Variants in RPH3A observed in about 807,000 individuals in gnomAD.
RPH3A encodes the protein rabphilin 3A, also known as rabphilin-3A.
Under a neutral mutation model 102.2 loss-of-function variants are expected in RPH3A, and 48 were observed. That is an observed-to-expected ratio of 0.47 (90% CI 0.37 to 0.60). The LOEUF is 0.60. Among genes scored for constraint, RPH3A ranks in the 20% least tolerant of loss-of-function variants. The pLI, the probability that RPH3A is intolerant of heterozygous loss-of-function variation, is 0.00. For synonymous variants in RPH3A, 310 were observed against 324.3 expected (o/e 0.96, Z 0.47); for missense variants, 781 against 910.1 (o/e 0.86, Z 1.83).
intron 4 of RPH3A, among the ~76,000 whole-genome samples, chr12:112,837,419 A>G (rs1310176013): frequency 6.6e-6 from 1 of 151,932 alleles, no homozygotes; most frequent in Non-Finnish European, 1.5e-5. Flanking sequence ...CTCTTGCACA[A>G]CTTTTTCAGC....
At chr12:112,673,057 A>G (rs939706059) in intron 1 of RPH3A, among the ~76,000 whole-genome samples, 5 of 152,092 alleles carry the variant, frequency 3.3e-5, no homozygotes, top group African/African-American at 1.2e-4. Context: ...AGGCACCCAC[A>G]GCTCATTATG....
chr12:112,618,354 A>G (rs2039697020), intron 1 of RPH3A, among the ~76,000 whole-genome samples: 1 of 152,142 alleles, frequency 6.6e-6, no homozygotes, highest in Admixed American at 6.6e-5. Context: ...GCAATTCCAC[A>G]GTGCACCAGA....
intron 1 of RPH3A, among the ~76,000 whole-genome samples, chr12:112,713,456 A>G (rs1408459428): frequency 6.6e-6 from 1 of 152,184 alleles, no homozygotes; most frequent in Non-Finnish European, 1.5e-5. Context: ...TGTAGAAAAG[A>G]GAGCATATTT....
chr12:112,848,027 A>G (rs1328633475), intron 5 of RPH3A, among the ~76,000 whole-genome samples, 185 bp downstream of exon 5: 1 of 151,984 alleles, frequency 6.6e-6, no homozygotes, highest in Non-Finnish European at 1.5e-5. Flanking sequence ...TCTTTGTTGC[A>G]TGAGTTGGGA....
intron 16 of RPH3A, among the ~76,000 whole-genome samples, chr12:112,887,577 A>G (rs1311416270): frequency 6.6e-6 from 1 of 152,234 alleles, no homozygotes; most frequent in Non-Finnish European, 1.5e-5. Context: ...GCAAGGGTTC[A>G]TCAAGCTATA....
At chr12:112,687,824 G>A (rs1448147663) in intron 1 of RPH3A, among the ~76,000 whole-genome samples, 1 of 152,176 alleles carries the variant, frequency 6.6e-6, no homozygotes, top group Non-Finnish European at 1.5e-5. Context: ...TTAGACCAGA[G>A]TTAGCAAGAA....
At chr12:112,755,644 G>A (rs2040818756) in intron 1 of RPH3A, among the ~76,000 whole-genome samples, 1 of 152,062 alleles carries the variant, frequency 6.6e-6, no homozygotes, top group East Asian at 1.9e-4. Context: ...CCTTCAGCCT[G>A]GCCCTTGAAT....
intron 16 of RPH3A, among the ~76,000 whole-genome samples, chr12:112,886,726 A>G (rs1379353157): frequency 6.6e-6 from 1 of 152,254 alleles, no homozygotes; most frequent in African/African-American, 2.4e-5. Context: ...GGATTCAGGG[A>G]GACCTGGATT....
intron 1 of RPH3A, among the ~76,000 whole-genome samples, chr12:112,659,537 C>A (rs1003947695): frequency 6.6e-6 from 1 of 152,214 alleles, no homozygotes; most frequent in Non-Finnish European, 1.5e-5. Flanking sequence ...TGATCTGTCT[C>A]ATTACTGATG....
intron 1 of RPH3A, among the ~76,000 whole-genome samples, chr12:112,695,921 A>G (rs1394570970): frequency 6.6e-6 from 1 of 152,110 alleles, no homozygotes. Context: ...GATTTCTAAG[A>G]TTTTGGCACA....
intron 5 of RPH3A, among the ~76,000 whole-genome samples, chr12:112,854,594 T>C (rs116967948): frequency 1.3e-5 from 2 of 152,338 alleles, no homozygotes; most frequent in Non-Finnish European, 2.9e-5. Context: ...GGCTCCAGAA[T>C]TAGGCTCCTA....
intron 1 of RPH3A, chr12:112,649,345 A>G (rs780407725): frequency 1.4e-4 from 22 of 152,160 alleles, no homozygotes; most frequent in Non-Finnish European, 3.1e-4. Flanking sequence ...CTTTAGTGAG[A>G]ATTTATGACT....
chr12:112,735,850 G>T (rs2040665784), intron 1 of RPH3A, among the ~76,000 whole-genome samples: 1 of 152,142 alleles, frequency 6.6e-6, no homozygotes, highest in African/African-American at 2.4e-5. Context: ...AATTTAGGCT[G>T]CTCCATGGAC....
intron 6 of RPH3A, 68 bp downstream of exon 6, chr12:112,865,611 C>A: frequency 6.5e-7 from 1 of 1,529,664 alleles, no homozygotes; most frequent in Non-Finnish European, 8.8e-7. Flanking sequence ...TAGGCTCCAG[C>A]TGTAGGGGTC....
intron 17 of RPH3A, among the ~76,000 whole-genome samples, chr12:112,888,183 G>A (rs181398204): frequency 1.3e-5 from 2 of 152,272 alleles, no homozygotes; most frequent in African/African-American, 4.8e-5. Context: ...GGCAGGGGCA[G>A]CATGGGCTTC....
chr12:112,810,959 G>A (rs1020905245), intron 2 of RPH3A, among the ~76,000 whole-genome samples: 10 of 132,514 alleles, frequency 7.5e-5, no homozygotes, highest in Non-Finnish European at 1.4e-4. Context: ...TTTTTTGTGT[G>A]TACATATATG....
At chr12:112,826,141 C>G (rs1000658199) in intron 2 of RPH3A, among the ~76,000 whole-genome samples, 1 of 152,094 alleles carries the variant, frequency 6.6e-6, no homozygotes, top group African/African-American at 2.4e-5. Context: ...GTCAGGGAGG[C>G]CCTCTTGGAC....
At chr12:112,769,400 T>C (rs2040913260) in intron 1 of RPH3A, among the ~76,000 whole-genome samples, 1 of 152,260 alleles carries the variant, frequency 6.6e-6, no homozygotes, top group Non-Finnish European at 1.5e-5. Flanking sequence ...CAGAACCCGC[T>C]ACTGAATTCT....
Position 112,894,612 on chromosome 12 carries a change from C to T in RPH3A, c.1810C>T (p.His604Tyr). Residue 604 changes from histidine to tyrosine, a missense_variant, in exon 20 of 22, where the codon CAC becomes TAC. His to Tyr is a moderately conservative substitution (Grantham distance 83). Coordinates refer to ENST00000389385, the MANE Select transcript of RPH3A (RefSeq NM_001143854.2). The part of the protein sequence containing the change: ...LKPDMGKKAK[H>Y]KTQIKKKTLN... ...ACCGGACATGGGAAAGAAGGCCAAA[C>T]ACAAGACTCAAATTAAAAAGAAAAC... is the stretch of plus-strand genomic sequence containing the variant. 6.2e-7 allele frequency: 1 copy of T among 1,613,926 alleles called. No homozygotes were observed. The highest frequency in any genetic ancestry group is 8.5e-7 in the Non-Finnish European group (1 of 1,179,956).
Sources: gnomAD v4.1 joint callset for allele counts (sites outside exome capture counted in the v4.1 genomes callset) on GRCh38, gnomAD v4.1.1 for gene constraint, MANE v1.5 for transcripts, NCBI Gene and HGNC (gene_info 2026-07-23, HGNC 2026-07-21) for gene names.